The following MAST4 variants were observed in gnomAD, a reference collection of about 807,000 sequenced individuals.
MAST4 encodes microtubule associated serine/threonine kinase family member 4, also known as microtubule-associated serine/threonine-protein kinase 4.
A neutral mutation model predicts 162.7 loss-of-function variants in MAST4; 89 were observed. That is an observed-to-expected ratio of 0.55 (90% CI 0.46 to 0.65). The LOEUF (loss-of-function observed/expected upper bound fraction) is 0.65, where lower values mean the gene tolerates loss of function less well. Ranked by LOEUF, MAST4 falls within the 30% of genes least tolerant of loss-of-function variation. MAST4 has a pLI of 0.00. For missense variants in MAST4, 3,153 were observed against 3,374.0 expected, an observed-to-expected ratio of 0.93 and a Z score of 1.62; for synonymous variants, 1,479 against 1,361.1, an observed-to-expected ratio of 1.09 and a Z score of -1.91.
chr5:66,790,690 A>C (rs2149678744), intron 3 of MAST4, among the ~76,000 whole-genome samples: 1 of 151,708 alleles, frequency 6.6e-6, no homozygotes, highest in East Asian at 2.0e-4. Flanking sequence ...GACTACAGGC[A>C]CATACTACTG....
At chr5:66,808,393 A>G (rs1201230834) in intron 3 of MAST4, among the ~76,000 whole-genome samples, 1 of 152,240 alleles carries the variant, frequency 6.6e-6, no homozygotes, top group Non-Finnish European at 1.5e-5. Context: ...ACTCAGTTTA[A>G]CATTCATGTC....
intron 4 of MAST4, among the ~76,000 whole-genome samples, chr5:67,049,672 G>A (rs992426777): frequency 2.0e-5 from 3 of 152,126 alleles, no homozygotes; most frequent in Non-Finnish European, 4.4e-5. Flanking sequence ...TATTATTACT[G>A]CCCCTCAATG....
Position 67,169,380 on chromosome 5 carries a change from G to C in MAST4, c.*2329G>C, listed in dbSNP as rs577602392. On this transcript the variant is annotated 3_prime_UTR_variant, in exon 29 of 29. Transcript: ENST00000403625. Reference sequence around the variant, plus strand: ...AATTCTCCTCATTGTGTTCTATTTGGTCAGTCTCTGTGTGATTGTAGGATG... The same window carrying C: ...AATTCTCCTCATTGTGTTCTATTTGCTCAGTCTCTGTGTGATTGTAGGATG... 6.6e-6 allele frequency: 1 copy of C among 152,218 alleles called. No individual in the cohort carries two copies. Among genetic ancestry groups the C allele is most frequent in the East Asian group, 1.9e-4 (1 of 5,182 alleles). The allele number at this position is 152,218 out of a possible 1,614,324, so 9.4% of individuals were successfully genotyped here.
intron 2 of MAST4, among the ~76,000 whole-genome samples, chr5:66,777,682 G>A: frequency 6.6e-6 from 1 of 152,286 alleles, no homozygotes; most frequent in East Asian, 1.9e-4. Flanking sequence ...GGATTGAGAA[G>A]TCAGACTGTG....
intron 4 of MAST4, among the ~76,000 whole-genome samples, chr5:66,945,191 A>G (rs967309742): frequency 1.3e-5 from 2 of 152,162 alleles, no homozygotes; most frequent in African/African-American, 4.8e-5. Context: ...TAAAACTTAA[A>G]TTTGCAGAGA....
At chr5:66,628,241 C>T (rs763261929) in intron 1 of MAST4, among the ~76,000 whole-genome samples, 2 of 151,892 alleles carry the variant, frequency 1.3e-5, no homozygotes, top group African/African-American at 2.4e-5. Context: ...CGTATGTTGC[C>T]TAGGCTGGTC....
At chr5:67,078,935 T>TA (rs1762251845) in intron 5 of MAST4, among the ~76,000 whole-genome samples, 2 of 95,876 alleles carry the variant, frequency 2.1e-5, no homozygotes, top group Non-Finnish European at 3.8e-5. Flanking sequence ...TATATATATA[T>TA]ATATATATAT....
At chr5:66,640,543 T>C (rs1745426461) in intron 1 of MAST4, among the ~76,000 whole-genome samples, 1 of 152,108 alleles carries the variant, frequency 6.6e-6, no homozygotes. Context: ...CTCCTGACCT[T>C]GTGATCCGCC....
At chr5:66,818,379 A>ATGC (rs1398580610) in intron 3 of MAST4, among the ~76,000 whole-genome samples, 1 of 152,026 alleles carries the variant, frequency 6.6e-6, no homozygotes, top group Non-Finnish European at 1.5e-5. Flanking sequence ...TTGAGTATTG[A>ATGC]TGCTTGACTC....
In MAST4 at chr5:67,144,700, A is replaced by G. The variant is rs1264565510; in HGVS notation, c.2762A>G (p.Asn921Ser). ...AGCAGTATAGATCGAATCACTCAGA[A>G]TTCAGCAGAAGAGAAGGAAGACTCT... ...VFSSIDRITQ[N>S]SAEEKEDSVD... Residue 921 changes from asparagine to serine, a missense_variant, in exon 22 of 29, where the codon AAT becomes AGT. By Grantham distance (46) the Asn-to-Ser change is conservative (BLOSUM62 1). Around this residue, in one of 7 missense-constraint regions of MAST4, gnomAD observed 619 missense variants for 744.2 expected, o/e 0.83. Transcript: ENST00000403625. 1 of 1,613,874 alleles carries G rather than the reference A, an allele frequency of 6.2e-7. No homozygotes were observed. Among genetic ancestry groups the G allele is most frequent in the African/African-American group, 1.3e-5 (1 of 74,950 alleles).
intron 4 of MAST4, among the ~76,000 whole-genome samples, chr5:66,964,724 A>G (rs1039253658): frequency 1.3e-5 from 2 of 152,166 alleles, no homozygotes; most frequent in African/African-American, 4.8e-5. Flanking sequence ...AATGGCGTGA[A>G]CTCGGGAGGC....
intron 4 of MAST4, among the ~76,000 whole-genome samples, chr5:66,908,529 G>A (rs1425342929): frequency 6.6e-6 from 1 of 152,094 alleles, no homozygotes; most frequent in African/African-American, 2.4e-5. Flanking sequence ...TTAGAGTTTC[G>A]GGGGGTGTGT....
intron 5 of MAST4, among the ~76,000 whole-genome samples, chr5:67,067,670 A>AGG (rs1760413014): frequency 6.6e-6 from 1 of 152,078 alleles, no homozygotes; most frequent in African/African-American, 2.4e-5. Context: ...CAACCTTTGG[A>AGG]GGTCCCTTTG....
chr5:66,825,571 A>G (rs1206792853), intron 3 of MAST4, among the ~76,000 whole-genome samples: 1 of 152,208 alleles, frequency 6.6e-6, no homozygotes, highest in Non-Finnish European at 1.5e-5. Context: ...GTGTTCAACC[A>G]AACGTTTTCT....
chr5:66,661,607 G>C (rs1417725466), intron 1 of MAST4, among the ~76,000 whole-genome samples: 2 of 152,138 alleles, frequency 1.3e-5, no homozygotes, highest in African/African-American at 4.8e-5. Context: ...TGCACTACCT[G>C]CCCCATCTAA....
intron 4 of MAST4, among the ~76,000 whole-genome samples, chr5:67,042,070 A>G (rs1040718828): frequency 9.9e-5 from 15 of 152,244 alleles, no homozygotes; most frequent in African/African-American, 3.6e-4. Context: ...CATTTAATTT[A>G]AAACAGAACT....
chr5:66,682,865 C>T (rs1036484600), intron 1 of MAST4, among the ~76,000 whole-genome samples: 16 of 152,200 alleles, frequency 1.1e-4, no homozygotes, highest in African/African-American at 3.9e-4. Context: ...GCCACTGCAC[C>T]CCGCTTCATC....
At position 67,165,689 on chromosome 5, in the gene MAST4, A is replaced by G. The variant is rs754745362; in HGVS notation, c.6510A>G (p.Ala2170=). The change falls in exon 29 of 29, where the codon GCA becomes GCG. Residue 2170 remains alanine, a synonymous_variant. Transcript: ENST00000403625. ...GREPGAKPST[A]EPSSSPQDPP... The stretch of plus-strand genomic sequence containing the variant: ...AGCCGGGGGCCAAGCCCAGCACTGC[A>G]GAGCCCAGCTCGAGCCCCCAGGACC... 3.8e-6 allele frequency: 6 copies of G among 1,586,292 alleles called. No homozygotes were observed. Among genetic ancestry groups the G allele is most frequent in the Non-Finnish European group, 5.1e-6 (6 of 1,167,070 alleles).
intron 4 of MAST4, among the ~76,000 whole-genome samples, chr5:66,988,164 G>A (rs1412675218): frequency 6.6e-6 from 1 of 152,174 alleles, no homozygotes; most frequent in African/African-American, 2.4e-5. Context: ...CTAGAGGGAA[G>A]AGACTCTAGT....
Sources: gnomAD v4.1 joint callset for allele counts (sites outside exome capture counted in the v4.1 genomes callset) on GRCh38, gnomAD v4.1.1 for gene constraint, gnomAD v4.1.1 regional missense constraint, MANE v1.5 for transcripts, NCBI Gene and HGNC (gene_info 2026-07-23, HGNC 2026-07-21) for gene names.